Variants in COG5 observed in about 807,000 individuals in gnomAD.
COG5 encodes the protein conserved oligomeric Golgi complex subunit 5.
COG5 carries 86 observed loss-of-function variants against 110.4 expected under a neutral mutation model. The ratio of observed to expected loss-of-function variants is 0.78; its 90% CI spans 0.65 to 0.93. COG5 has a LOEUF of 0.93. Among genes scored for constraint, COG5 ranks in the 40% least tolerant of loss-of-function variants. The pLI, the probability that COG5 is intolerant of heterozygous loss-of-function variation, is 0.00. For missense variants in COG5, 1,077 were observed against 987.0 expected, an observed-to-expected ratio of 1.09 and a Z score of -1.22; for synonymous variants, 360 against 334.6, an observed-to-expected ratio of 1.08 and a Z score of -0.83.
chr7:107,465,592 C>G (rs1409856488), intron 6 of COG5, among the ~76,000 whole-genome samples: 1 of 152,020 alleles, frequency 6.6e-6, no homozygotes, highest in Admixed American at 6.5e-5. Flanking sequence ...GATATTGCAC[C>G]CCTAAACAGA....
intron 16 of COG5, among the ~76,000 whole-genome samples, chr7:107,249,317 G>C (rs796497286): frequency 8.5e-5 from 13 of 152,154 alleles, no homozygotes; most frequent in African/African-American, 3.1e-4. Context: ...AGAGGACAAA[G>C]ATGCTGCTAA....
intron 11 of COG5, among the ~76,000 whole-genome samples, chr7:107,312,508 C>T (rs551740759): frequency 6.6e-6 from 1 of 152,124 alleles, no homozygotes; most frequent in South Asian, 2.1e-4. Context: ...GGGAAAGAGG[C>T]GTCAGGGAAC....
intron 7 of COG5, among the ~76,000 whole-genome samples, chr7:107,379,875 G>GA (rs1218922462): frequency 6.6e-6 from 1 of 152,122 alleles, no homozygotes; most frequent in Non-Finnish European, 1.5e-5. Context: ...CAACGAGACA[G>GA]AAAATTTATA....
At chr7:107,417,704 A>T (rs1322505670) in intron 6 of COG5, among the ~76,000 whole-genome samples, 1 of 152,150 alleles carries the variant, frequency 6.6e-6, no homozygotes, top group Non-Finnish European at 1.5e-5. Flanking sequence ...ATAGCACTGG[A>T]TATTACTACT....
intron 10 of COG5, 39 bp downstream of exon 10, chr7:107,361,994 G>T: frequency 7.3e-7 from 1 of 1,375,420 alleles, no homozygotes; most frequent in Non-Finnish European, 1.0e-6. Flanking sequence ...TTCCTGTTTT[G>T]TACAAGAAAG....
chr7:107,311,340 CTATT>C (rs1808230587), intron 11 of COG5, among the ~76,000 whole-genome samples: 1 of 123,610 alleles, frequency 8.1e-6, no homozygotes, highest in African/African-American at 2.8e-5. Flanking sequence ...CTGCATTTCT[CTATT>C]TATAAGTGAT....
At chr7:107,397,243 C>T (rs1448603419) in intron 7 of COG5, among the ~76,000 whole-genome samples, 1 of 152,212 alleles carries the variant, frequency 6.6e-6, no homozygotes, top group Non-Finnish European at 1.5e-5. Context: ...TCACAACTGG[C>T]TCTGCCCCAC....
chr7:107,412,169 C>T (rs1166758726), intron 7 of COG5, among the ~76,000 whole-genome samples: 1 of 152,064 alleles, frequency 6.6e-6, no homozygotes, highest in African/African-American at 2.4e-5. Flanking sequence ...ACCAATCTTA[C>T]TGGGTTGTTG....
intron 12 of COG5, among the ~76,000 whole-genome samples, chr7:107,296,065 C>G (rs891359959): frequency 6.6e-5 from 10 of 151,824 alleles, no homozygotes; most frequent in Non-Finnish European, 1.5e-4. Flanking sequence ...AGTTCACGGT[C>G]TTTCTTCTTT....
At chr7:107,529,024 T>TAAAAAAAAAAAAAAAAAAAAA (rs58281094) in intron 5 of COG5, among the ~76,000 whole-genome samples, 1 of 97,836 alleles carries the variant, frequency 1.0e-5, no homozygotes. Context: ...AATACTTAAA[T>TAAAAAAAAAAAAAAAAAAAAA]AAAAAAAAAA....
At chr7:107,367,759 T>C (rs1043588249) in intron 8 of COG5, among the ~76,000 whole-genome samples, 16 of 151,982 alleles carry the variant, frequency 1.1e-4, no homozygotes, top group Non-Finnish European at 2.1e-4. Flanking sequence ...CAGAGTGGTA[T>C]AATGGACATT....
intron 11 of COG5, among the ~76,000 whole-genome samples, chr7:107,310,815 G>A (rs757758817): frequency 1.2e-4 from 19 of 152,082 alleles, no homozygotes; most frequent in Non-Finnish European, 1.9e-4. Flanking sequence ...GATAACAAAG[G>A]CCTGTCAGCA....
At chr7:107,263,921 T>G (rs1428465738) in intron 14 of COG5, among the ~76,000 whole-genome samples, 6 of 152,052 alleles carry the variant, frequency 3.9e-5, no homozygotes, top group African/African-American at 1.4e-4. Context: ...GTAAAAGAAA[T>G]AAAACTGACA....
At chr7:107,342,870 T>A (rs967583208) in intron 10 of COG5, among the ~76,000 whole-genome samples, 2 of 152,174 alleles carry the variant, frequency 1.3e-5, no homozygotes, top group Non-Finnish European at 2.9e-5. Flanking sequence ...TTATTAGGTA[T>A]ATATTCAAAA....
At chr7:107,343,419 G>T (rs1377294315) in intron 10 of COG5, among the ~76,000 whole-genome samples, 1 of 152,182 alleles carries the variant, frequency 6.6e-6, no homozygotes, top group Non-Finnish European at 1.5e-5. Context: ...AGTGGTTCAT[G>T]CCTGCAATCC....
chr7:107,355,233 G>GA (rs1812518767), intron 10 of COG5, among the ~76,000 whole-genome samples: 1 of 152,108 alleles, frequency 6.6e-6, no homozygotes, highest in Non-Finnish European at 1.5e-5. Flanking sequence ...ACACCTATTA[G>GA]AATAGCCGAT....
chr7:107,283,701 G>T lies in COG5; in HGVS notation c.1345C>A (p.Pro449Thr). Residue 449 changes from proline to threonine, a missense_variant, in exon 13 of 22, where the codon CCC (proline) becomes ACC (threonine). By Grantham distance (38) the Pro-to-Thr change is conservative (BLOSUM62 -1). Coordinates refer to ENST00000297135, the MANE Select transcript of COG5 (RefSeq NM_006348.5). ...PEKALKDSLQPYEAAYLSKSL... is the reference protein window; with the variant it reads ...PEKALKDSLQTYEAAYLSKSL... Reference sequence around the variant, plus strand: ...TTTGATAGATAAGCAGCCTCATAGGGTTGTAGTGAGTCTTTCAAAGCCTTT... The same window carrying T: ...TTTGATAGATAAGCAGCCTCATAGGTTTGTAGTGAGTCTTTCAAAGCCTTT... 1 of 1,613,998 alleles carries T rather than the reference G, an allele frequency of 6.2e-7. No homozygotes were observed. Among genetic ancestry groups the T allele is most frequent in the Non-Finnish European group, 8.5e-7 (1 of 1,179,936 alleles).
chr7:107,335,478 T>TA, intron 10 of COG5, among the ~76,000 whole-genome samples: 2 of 152,022 alleles, frequency 1.3e-5, no homozygotes, highest in Middle Eastern at 6.8e-3. Context: ...TTACTAAAAA[T>TA]AAAAAGCAAC....
intron 7 of COG5, among the ~76,000 whole-genome samples, chr7:107,404,140 A>G (rs1791638935): frequency 6.6e-6 from 1 of 152,202 alleles, no homozygotes; most frequent in Non-Finnish European, 1.5e-5. Context: ...TAAAGATAGC[A>G]CTAAAGACTC....
Sources: gnomAD v4.1 joint callset for allele counts (sites outside exome capture counted in the v4.1 genomes callset) on GRCh38, gnomAD v4.1.1 for gene constraint, MANE v1.5 for transcripts, NCBI Gene and HGNC (gene_info 2026-07-23, HGNC 2026-07-21) for gene names.